The following TPTE variants were observed in gnomAD, a reference collection of about 807,000 sequenced individuals.
The protein encoded by TPTE is transmembrane phosphatase with tensin homology.
TPTE carries 59 observed loss-of-function variants against 84.1 expected under a neutral mutation model. That is an observed-to-expected ratio of 0.70 (90% CI 0.57 to 0.87). The LOEUF (loss-of-function observed/expected upper bound fraction) is 0.87, where lower values mean the gene tolerates loss of function less well. Ranked by LOEUF, TPTE falls within the 40% of genes least tolerant of loss-of-function variation. TPTE has a pLI of 0.00. For missense variants in TPTE, 382 were observed against 659.6 expected, an observed-to-expected ratio of 0.58 and a Z score of 4.61; for synonymous variants, 130 against 223.5, an observed-to-expected ratio of 0.58 and a Z score of 3.73.
chr21:10,528,620 A>G (rs1327390681), intron 3 of TPTE, among the ~76,000 whole-genome samples: 2 of 152,310 alleles, frequency 1.3e-5, no homozygotes, highest in African/African-American at 4.8e-5. Context: ...GTTCAAATAT[A>G]ATTGGTACTT....
chr21:10,601,539 C>G (rs1978511243), intron 21 of TPTE, among the ~76,000 whole-genome samples: 1 of 152,298 alleles, frequency 6.6e-6, no homozygotes, highest in African/African-American at 2.4e-5. Context: ...TGATAACCCT[C>G]AAATATGTTG....
intron 8 of TPTE, among the ~76,000 whole-genome samples, chr21:10,558,810 A>C (rs1488878176): frequency 1.3e-5 from 2 of 152,238 alleles, no homozygotes; most frequent in Non-Finnish European, 2.9e-5. Context: ...AGTAGGACAA[A>C]AAAAATTGTT....
intron 3 of TPTE, among the ~76,000 whole-genome samples, chr21:10,533,420 A>G (rs967670090): frequency 1.3e-5 from 2 of 152,306 alleles, no homozygotes; most frequent in African/African-American, 4.8e-5. Context: ...GTTTTGCTAC[A>G]GTCGGTATGT....
intron 17 of TPTE, among the ~76,000 whole-genome samples, chr21:10,585,794 T>A (rs2075353372): frequency 6.6e-6 from 1 of 152,310 alleles, no homozygotes; most frequent in African/African-American, 2.4e-5. Flanking sequence ...ATAATTTTAT[T>A]TCTTTTGCCC....
chr21:10,587,249 G>T (rs1417007321), intron 17 of TPTE, among the ~76,000 whole-genome samples: 1 of 152,310 alleles, frequency 6.6e-6, no homozygotes, highest in Non-Finnish European at 1.5e-5. Context: ...AGATTTGGAA[G>T]TGCATATACA....
At chr21:10,552,028 T>C (rs2145648038) in intron 7 of TPTE, among the ~76,000 whole-genome samples, 1 of 152,424 alleles carries the variant, frequency 6.6e-6, no homozygotes, top group African/African-American at 2.4e-5. Context: ...TTTAAGAAAT[T>C]GTCTCAGCCA....
intron 14 of TPTE, among the ~76,000 whole-genome samples, chr21:10,570,820 G>A (rs1445113380): frequency 2.2e-4 from 34 of 152,232 alleles, no homozygotes; most frequent in African/African-American, 8.0e-4. Context: ...TTAGGTGCTT[G>A]CAGAAAGGAT....
At chr21:10,601,662 G>A (rs1978532113) in intron 21 of TPTE, among the ~76,000 whole-genome samples, 1 of 152,302 alleles carries the variant, frequency 6.6e-6, no homozygotes, top group South Asian at 2.1e-4. Context: ...AGACCAGCCT[G>A]CCTAATATAG....
At chr21:10,543,674 G>T (rs1346849676) in intron 7 of TPTE, among the ~76,000 whole-genome samples, 1 of 152,310 alleles carries the variant, frequency 6.6e-6, no homozygotes, top group Non-Finnish European at 1.5e-5. Flanking sequence ...TTTTGATGGA[G>T]TTGTATAAGG....
chr21:10,598,954 C>T (rs529895401), intron 21 of TPTE, among the ~76,000 whole-genome samples: 2 of 152,422 alleles, frequency 1.3e-5, no homozygotes, highest in African/African-American at 4.8e-5. Context: ...ATACTTTACT[C>T]TTAAAGGATG....
chr21:10,590,327 C>T (rs61109284), intron 17 of TPTE, 135 bp from the exon 18 acceptor site: 55,221 of 1,412,516 alleles, frequency 0.039, no homozygotes, highest in South Asian at 0.055. Flanking sequence ...TGCCACTGCA[C>T]TCCAGCCTGC....
chr21:10,594,890 C>G (rs1205078713), intron 19 of TPTE, among the ~76,000 whole-genome samples: 1 of 152,308 alleles, frequency 6.6e-6, no homozygotes, highest in Non-Finnish European at 1.5e-5. Flanking sequence ...GTGGGCCATT[C>G]TACTGAGTGC....
At chr21:10,525,731 G>A (rs1350782691) in intron 2 of TPTE, among the ~76,000 whole-genome samples, 2 of 152,426 alleles carry the variant, frequency 1.3e-5, no homozygotes, top group Admixed American at 6.5e-5. Context: ...TCCTTAGGGG[G>A]CAATTTAGCT....
At chr21:10,551,089 C>T (rs368651356) in intron 7 of TPTE, among the ~76,000 whole-genome samples, 19 of 152,426 alleles carry the variant, frequency 1.2e-4, no homozygotes, top group South Asian at 2.1e-4. Flanking sequence ...AAACAGGGGA[C>T]GCAGCAAAAG....
intron 3 of TPTE, among the ~76,000 whole-genome samples, chr21:10,534,622 G>A (rs2074236520): frequency 1.3e-5 from 2 of 152,430 alleles, no homozygotes; most frequent in East Asian, 1.9e-4. Context: ...AGTCCTCAGT[G>A]AAAGTGAAAT....
intron 2 of TPTE, among the ~76,000 whole-genome samples, chr21:10,525,147 T>C: frequency 1.3e-5 from 2 of 152,396 alleles, no homozygotes; most frequent in South Asian, 4.1e-4. Flanking sequence ...CCCATCTCAA[T>C]TAACACCTGA....
chr21:10,555,465 CA>C (rs1236835199), intron 8 of TPTE, among the ~76,000 whole-genome samples: 1 of 152,312 alleles, frequency 6.6e-6, no homozygotes, highest in African/African-American at 2.4e-5. Context: ...CTTGGCCACC[CA>C]AAGTGCTGGG....
Position 10,560,232 on chromosome 21 carries a change from A to G in TPTE, c.284+688A>G, listed in dbSNP as rs1481479499. ...GTGTTTTATTAGTACCTTATACATCAGGAATTACTCTTTAATTCTGGAAAC... is the reference window on the plus strand; with the variant it reads ...GTGTTTTATTAGTACCTTATACATCGGGAATTACTCTTTAATTCTGGAAAC... On this transcript the variant is annotated intron_variant, in intron 9 of 23. Coordinates refer to ENST00000618007, the MANE Select transcript of TPTE (RefSeq NM_199261.4). Among the ~76,000 whole-genome samples the G allele has an allele frequency of 3.9e-5, 6 of 152,374 alleles. No individual in the cohort carries two copies. In the South Asian group the frequency reaches 1.0e-3, roughly 26 times the overall value.
intron 3 of TPTE, among the ~76,000 whole-genome samples, chr21:10,530,130 C>T (rs2074151554): frequency 6.6e-6 from 1 of 152,312 alleles, no homozygotes; most frequent in Non-Finnish European, 1.5e-5. Context: ...CCCCTGTGTC[C>T]TTTTGACTTG....
Sources: allele counts gnomAD v4.1 joint callset (sites outside exome capture counted in the v4.1 genomes callset), GRCh38; gene constraint gnomAD v4.1.1; transcripts MANE v1.5; gene names NCBI Gene and HGNC (gene_info 2026-07-23, HGNC 2026-07-21).